Variants in DIRAS2 observed in about 807,000 individuals in gnomAD.
The protein encoded by DIRAS2 is DIRAS family GTPase 2.
In DIRAS2, 5 loss-of-function variants were observed where a neutral mutation model predicts 13.9. The ratio of observed to expected loss-of-function variants is 0.36; its 90% CI spans 0.19 to 0.76. DIRAS2 has a LOEUF of 0.76. Ranked by LOEUF, DIRAS2 falls within the 30% of genes least tolerant of loss-of-function variation. The pLI is 0.53. For missense variants in DIRAS2, 191 were observed against 263.0 expected, an observed-to-expected ratio of 0.73 and a Z score of 1.89; for synonymous variants, 111 against 105.4, an observed-to-expected ratio of 1.05 and a Z score of -0.33.
intron 1 of DIRAS2, among the ~76,000 whole-genome samples, chr9:90,626,365 G>A (rs1180451111): frequency 6.6e-6 from 1 of 150,820 alleles, no homozygotes; most frequent in African/African-American, 2.4e-5. Context: ...CAAACTACCA[G>A]AGAGACTGAG....
intron 1 of DIRAS2, among the ~76,000 whole-genome samples, chr9:90,641,057 A>G (rs1272169109): frequency 2.0e-5 from 3 of 152,226 alleles, no homozygotes; most frequent in Non-Finnish European, 4.4e-5. Context: ...CAATACAGTA[A>G]AAGTCATGTG....
rs1244486251 is a variant in DIRAS2, at chr9:90,613,146, T to C, written c.*82A>G. 2.6e-6 allele frequency: 4 copies of C among 1,546,396 alleles called. No individual in the cohort carries two copies. Among genetic ancestry groups the C allele is most frequent in the Non-Finnish European group, 3.5e-6 (4 of 1,146,996 alleles). ...ATGTTTAACACGTGGGCATTATACA[T>C]GCTACCCTGACGACGGTGGGTGTCA... On this transcript the variant is annotated 3_prime_UTR_variant, in exon 2 of 2. Coordinates refer to ENST00000375765, the MANE Select transcript of DIRAS2 (RefSeq NM_017594.5). This position sits in a 1 kb window ranked among gnomAD's most constrained non-coding sequence, Gnocchi z 5.6.
chr9:90,610,538 T>G lies in DIRAS2; in HGVS notation c.*2690A>C. The G allele has an allele frequency of 2.5e-6, 1 of 397,850 alleles. No individual in the cohort carries two copies. The highest frequency in any genetic ancestry group is 1.3e-4 in the South Asian group (1 of 7,610). 24.6% of individuals were successfully genotyped at this position (397,850 alleles called of 1,614,324 possible). On this transcript the variant is annotated 3_prime_UTR_variant, in exon 2 of 2. Transcript: ENST00000375765. ...TAATTAAATATTAACTTATTCTGCC[T>G]GGGTCAAAAACTGCTATGCCCATAT...
rs1229733288 is a variant in DIRAS2, at chr9:90,612,425, G to C, written c.*803C>G. On this transcript the variant is annotated 3_prime_UTR_variant, in exon 2 of 2. Coordinates refer to ENST00000375765, the MANE Select transcript of DIRAS2 (RefSeq NM_017594.5). ...CTGAAAGAAGTTATACTCCTCACAG[G>C]TCAAAAGAAGAAAATCACATTTCTA... is the stretch of plus-strand genomic sequence containing the variant. 6.6e-6 allele frequency: 1 copy of C among 152,526 alleles called. No individual in the cohort carries two copies. The highest frequency in any genetic ancestry group is 1.5e-5 in the Non-Finnish European group (1 of 68,032). The allele number at this position is 152,526 out of a possible 1,614,324, so 9.4% of individuals were successfully genotyped here. A position where few individuals can be genotyped will look rare whatever the true frequency, so the allele number is the denominator to read the frequency against.
chr9:90,610,481 C>T lies in DIRAS2; in HGVS notation c.*2747G>A. ...AAGGGAAGTCATGGAGCCCCATGCT[C>T]ATGCCCAGAGCGCCATCTTCAAAGC... On this transcript the variant is annotated 3_prime_UTR_variant, in exon 2 of 2. Transcript: ENST00000375765. 5.0e-6 allele frequency: 2 copies of T among 398,968 alleles called. No homozygotes were observed. Among genetic ancestry groups the T allele is most frequent in the East Asian group, 3.6e-5 (1 of 28,064 alleles). 24.7% of individuals were successfully genotyped at this position (398,968 alleles called of 1,614,324 possible).
At chr9:90,614,286 C>G (rs937232113) in intron 1 of DIRAS2, among the ~76,000 whole-genome samples, 2 of 147,456 alleles carry the variant, frequency 1.4e-5, no homozygotes, top group African/African-American at 5.0e-5. Flanking sequence ...TACTGAGTAC[C>G]CAATATACTG....
intron 1 of DIRAS2, among the ~76,000 whole-genome samples, chr9:90,634,563 T>C (rs1207902461): frequency 6.6e-6 from 1 of 152,212 alleles, no homozygotes; most frequent in Non-Finnish European, 1.5e-5. Flanking sequence ...CGAAGACATG[T>C]TCTTTCATAT....
intron 1 of DIRAS2, among the ~76,000 whole-genome samples, chr9:90,619,479 C>G (rs111354966): frequency 5.9e-5 from 9 of 152,074 alleles, no homozygotes; most frequent in African/African-American, 2.2e-4. Flanking sequence ...TATAAAGTAC[C>G]GCTTCATACT....
At chr9:90,621,023 A>T (rs1168011853) in intron 1 of DIRAS2, among the ~76,000 whole-genome samples, 1 of 152,204 alleles carries the variant, frequency 6.6e-6, no homozygotes, top group Non-Finnish European at 1.5e-5. Context: ...CAGTTAGAGG[A>T]ATAAGAGTGT....
At chr9:90,624,641 G>A (rs72746510) in intron 1 of DIRAS2, among the ~76,000 whole-genome samples, 1 of 152,080 alleles carries the variant, frequency 6.6e-6, no homozygotes, top group Non-Finnish European at 1.5e-5. Context: ...ACTTATATTT[G>A]TCTAGAACAA....
intron 1 of DIRAS2, among the ~76,000 whole-genome samples, chr9:90,631,006 T>A (rs185081782): frequency 1.3e-5 from 2 of 152,340 alleles, no homozygotes; most frequent in Middle Eastern, 6.8e-3. Flanking sequence ...TTAAAGGCTG[T>A]CCAAATGCAG....
intron 1 of DIRAS2, among the ~76,000 whole-genome samples, chr9:90,619,810 A>G (rs1825202960): frequency 6.6e-6 from 1 of 152,252 alleles, no homozygotes; most frequent in Non-Finnish European, 1.5e-5. Context: ...GTTTGTAACT[A>G]ATGAATGGAT....
chr9:90,610,426 G>T lies in DIRAS2; in HGVS notation c.*2802C>A, dbSNP rs766553950. The T allele has an allele frequency of 7.5e-6, 3 of 398,894 alleles. No homozygotes were observed. In the East Asian group the frequency reaches 1.1e-4, roughly 14 times the overall value. 24.7% of individuals were successfully genotyped at this position (398,894 alleles called of 1,614,324 possible). On this transcript the variant is annotated 3_prime_UTR_variant, in exon 2 of 2. Transcript: ENST00000375765. ...ATTGTATGCATGCCCATGGCTTGTC[G>T]CTGGATGGAGGAGGGGCTCATGGGG...
At chr9:90,616,173 C>A (rs1825167016) in intron 1 of DIRAS2, among the ~76,000 whole-genome samples, 1 of 152,172 alleles carries the variant, frequency 6.6e-6, no homozygotes, top group African/African-American at 2.4e-5. Flanking sequence ...TAAGGTGTCT[C>A]CATTATTAAA....
intron 1 of DIRAS2, among the ~76,000 whole-genome samples, chr9:90,616,736 CAAAAA>C (rs11422558): frequency 8.8e-4 from 78 of 88,484 alleles, no homozygotes; most frequent in Admixed American, 3.3e-3. Context: ...GACTCCATCA[CAAAAA>C]AAAAAAAAAA....
intron 1 of DIRAS2, among the ~76,000 whole-genome samples, chr9:90,627,121 C>T (rs998107806): frequency 3.3e-5 from 5 of 152,162 alleles, no homozygotes; most frequent in Admixed American, 6.5e-5. Context: ...TTGCAACTCT[C>T]TATTTCTTCT....
In DIRAS2 at chr9:90,610,458, G is replaced by A; in HGVS notation, c.*2770C>T. On this transcript the variant is annotated 3_prime_UTR_variant, in exon 2 of 2. Coordinates refer to ENST00000375765, the MANE Select transcript of DIRAS2 (RefSeq NM_017594.5). ...GGAGGAGGGGCTCATGGGGATAGAA[G>A]GGAAGTCATGGAGCCCCATGCTCAT... is the stretch of plus-strand genomic sequence containing the variant. 5.0e-6 allele frequency: 2 copies of A among 398,952 alleles called. No homozygotes were observed. The highest frequency in any genetic ancestry group is 4.4e-6 in the Non-Finnish European group (1 of 226,056). 24.7% of individuals were successfully genotyped at this position (398,952 alleles called of 1,614,324 possible). A position where few individuals can be genotyped will look rare whatever the true frequency, so the allele number is the denominator to read the frequency against.
Position 90,613,132 on chromosome 9 carries a change from G to A in DIRAS2, c.*96C>T, listed in dbSNP as rs752153979. On this transcript the variant is annotated 3_prime_UTR_variant, in exon 2 of 2. Transcript: ENST00000375765. The surrounding 1 kb of genome is among the most constrained non-coding windows in gnomAD (Gnocchi z 5.6). ...CTCGATTAAATGCAATGTTTAACAC[G>A]TGGGCATTATACATGCTACCCTGAC... 4.0e-6 allele frequency: 6 copies of A among 1,491,454 alleles called. No homozygotes were observed. Among genetic ancestry groups the A allele is most frequent in the African/African-American group, 1.4e-5 (1 of 71,472 alleles). 92.4% of individuals were successfully genotyped at this position (1,491,454 alleles called of 1,614,324 possible).
At chr9:90,637,678 T>C (rs1999381) in intron 1 of DIRAS2, among the ~76,000 whole-genome samples, 18,664 of 152,240 alleles carry the variant, frequency 0.12, 1,283 homozygotes, top group East Asian at 0.21. Context: ...GTGATTGGTA[T>C]TTGTATCTTT....
Sources: allele counts gnomAD v4.1 joint callset (sites outside exome capture counted in the v4.1 genomes callset), GRCh38; gene constraint gnomAD v4.1.1; non-coding constraint Gnocchi (gnomAD v3.1); transcripts MANE v1.5; gene names NCBI Gene and HGNC (gene_info 2026-07-23, HGNC 2026-07-21).